Variants in USP54 observed in about 807,000 individuals in gnomAD.
The protein encoded by USP54 is ubiquitin specific peptidase 54.
USP54 carries 87 observed loss-of-function variants against 170.5 expected under a neutral mutation model. The observed-to-expected ratio is 0.51, with a 90% CI of 0.43 to 0.61. The LOEUF (loss-of-function observed/expected upper bound fraction) is 0.61, where lower values mean the gene tolerates loss of function less well. USP54 is among the 20% of genes least tolerant of loss of function. USP54 has a pLI of 0.00. For synonymous variants in USP54, 655 were observed against 742.8 expected, an observed-to-expected ratio of 0.88 and a Z score of 1.92; for missense variants, 1,786 against 2,047.8, an observed-to-expected ratio of 0.87 and a Z score of 2.47.
intron 1 of USP54, among the ~76,000 whole-genome samples, chr10:73,598,320 T>C (rs555278844): frequency 6.6e-6 from 1 of 152,260 alleles, no homozygotes; most frequent in East Asian, 1.9e-4. Flanking sequence ...TCTCACACCA[T>C]ATGCAAAAAT....
chr10:73,550,127 T>C (rs972874229), intron 4 of USP54, among the ~76,000 whole-genome samples: 1 of 152,234 alleles, frequency 6.6e-6, no homozygotes, highest in Non-Finnish European at 1.5e-5. Flanking sequence ...TTTTGCTATG[T>C]TGGCCAGGTT....
intron 1 of USP54, among the ~76,000 whole-genome samples, chr10:73,612,914 G>A (rs941832532): frequency 6.6e-6 from 1 of 150,510 alleles, no homozygotes; most frequent in African/African-American, 2.4e-5. Context: ...TCAGCACTTT[G>A]GGAGACCAAG....
At chr10:73,599,072 C>T (rs565853346) in intron 1 of USP54, among the ~76,000 whole-genome samples, 14 of 152,242 alleles carry the variant, frequency 9.2e-5, no homozygotes, top group African/African-American at 2.9e-4. Flanking sequence ...GAGCAAGACT[C>T]CGTCTCAAAA....
Position 73,571,404 on chromosome 10 carries a change from T to A in USP54, c.240+17A>T, listed in dbSNP as rs781057458. On this transcript the variant is annotated intron_variant, in intron 4 of 23. Coordinates refer to ENST00000687698, the MANE Select transcript of USP54 (RefSeq NM_001391956.1). ...CCACCCAATGGTAGTGAGAAGAAAC[T>A]AATTGGAAGTACTTACCTTGAGAGC... 6.2e-7 allele frequency: 1 copy of A among 1,609,054 alleles called. No individual in the cohort carries two copies. Among genetic ancestry groups the A allele is most frequent in the African/African-American group, 1.3e-5 (1 of 74,902 alleles).
chr10:73,559,607 A>T (rs1192502193), intron 4 of USP54, among the ~76,000 whole-genome samples: 2 of 151,574 alleles, frequency 1.3e-5, no homozygotes, highest in Non-Finnish European at 2.9e-5. Context: ...AGGCGCCTGT[A>T]ATCCCAGTTA....
intron 4 of USP54, among the ~76,000 whole-genome samples, chr10:73,546,140 G>A (rs1280296931): frequency 1.3e-5 from 2 of 152,038 alleles, no homozygotes; most frequent in Non-Finnish European, 2.9e-5. Context: ...AAAAATCTGT[G>A]AGTCTAATAC....
intron 4 of USP54, among the ~76,000 whole-genome samples, chr10:73,555,261 C>A (rs2070680449): frequency 6.6e-6 from 1 of 152,178 alleles, no homozygotes; most frequent in African/African-American, 2.4e-5. Flanking sequence ...ATTCTCTAAC[C>A]ATATATCTAC....
intron 1 of USP54, among the ~76,000 whole-genome samples, chr10:73,619,479 C>T (rs1285114181): frequency 6.8e-6 from 1 of 147,384 alleles, no homozygotes; most frequent in Non-Finnish European, 1.5e-5. Flanking sequence ...TCAAGCAATC[C>T]ACCCACCTTG....
In USP54 at chr10:73,539,574, T is replaced by C; in HGVS notation, c.845A>G (p.Asp282Gly). 1 of 1,604,720 alleles carries C rather than the reference T, an allele frequency of 6.2e-7. No homozygotes were observed. Among genetic ancestry groups the C allele is most frequent in the Non-Finnish European group, 8.5e-7 (1 of 1,173,996 alleles). ...KLGDLFFRVT[D>G]DRAKQSELYL... ...CAGTTCAGATTGCTTGGCCCGGTCA[T>C]CCGTCACTCTGAAAAACAGCTGAGG... Residue 282 changes from aspartate (D) to glycine (G), a missense_variant, in exon 10 of 24, where the codon GAT becomes GGT. By Grantham distance (94) the Asp-to-Gly change is moderately conservative. Around this residue, in one of 3 missense-constraint regions of USP54, gnomAD observed 361 missense variants for 455.0 expected, o/e 0.79. Transcript: ENST00000687698.
At position 73,498,796 on chromosome 10, in the gene USP54, C is replaced by G; in HGVS notation, c.4888G>C (p.Gly1630Arg). 6.2e-7 allele frequency: 1 copy of G among 1,613,026 alleles called. No individual in the cohort carries two copies. Among genetic ancestry groups the G allele is most frequent in the Non-Finnish European group, 8.5e-7 (1 of 1,179,524 alleles). The change falls in exon 24 of 24, where the codon GGT becomes CGT. Residue 1630 changes from glycine to arginine, a missense_variant. Transcript: ENST00000687698. ...GGGGGCATATCTACTCTTCGAGGACCAGGGGTTCGGGACCCTGGAACAGGA... is the reference window on the plus strand; with the variant it reads ...GGGGGCATATCTACTCTTCGAGGACGAGGGGTTCGGGACCCTGGAACAGGA... ...SDPVPGSRTP[G>R]PRRVDMPPDD...
intron 20 of USP54, among the ~76,000 whole-genome samples, chr10:73,511,303 GAA>G (rs2060167155): frequency 6.6e-6 from 1 of 151,830 alleles, no homozygotes; most frequent in Non-Finnish European, 1.5e-5. Flanking sequence ...TTAAATAGGT[GAA>G]ATGTATGGCA....
At chr10:73,594,663 G>A (rs1225636609), upstream of USP54, among the ~76,000 whole-genome samples, 1 of 146,878 alleles carries the variant, frequency 6.8e-6, no homozygotes, top group Non-Finnish European at 1.5e-5. Flanking sequence ...GAGGGGTGGG[G>A]AAGAGACTGC....
At chr10:73,586,173 C>T (rs1321672536) in intron 1 of USP54, among the ~76,000 whole-genome samples, 1 of 152,224 alleles carries the variant, frequency 6.6e-6, no homozygotes, top group Non-Finnish European at 1.5e-5. Flanking sequence ...GCCTCTCACT[C>T]ATCCTCCACT....
At chr10:73,523,373 G>C (rs956506004) in intron 17 of USP54, among the ~76,000 whole-genome samples, 1 of 152,150 alleles carries the variant, frequency 6.6e-6, no homozygotes, top group African/African-American at 2.4e-5. Flanking sequence ...TAATCTATAG[G>C]CTTTTAATAG....
intron 20 of USP54, among the ~76,000 whole-genome samples, chr10:73,514,798 G>C (rs2060787945): frequency 6.6e-6 from 1 of 151,990 alleles, no homozygotes; most frequent in African/African-American, 2.4e-5. Flanking sequence ...CCAGCACTTT[G>C]GGAGGCTGAG....
intron 9 of USP54, among the ~76,000 whole-genome samples, chr10:73,540,805 A>G (rs2066462149): frequency 6.6e-6 from 1 of 152,166 alleles, no homozygotes; most frequent in Non-Finnish European, 1.5e-5. Context: ...CTTAGGAAGA[A>G]AACCTAAAAT....
chr10:73,600,272 G>A (rs1241024943), intron 1 of USP54, among the ~76,000 whole-genome samples: 1 of 152,032 alleles, frequency 6.6e-6, no homozygotes, highest in Non-Finnish European at 1.5e-5. Context: ...AATTTTCTCT[G>A]CTAAAAATTG....
At chr10:73,535,325 A>C (rs1313186211) in intron 11 of USP54, among the ~76,000 whole-genome samples, 1 of 152,064 alleles carries the variant, frequency 6.6e-6, no homozygotes, top group Admixed American at 6.6e-5. Flanking sequence ...TAATAGGACA[A>C]ATGGGTATTT....
intron 14 of USP54, 106 bp from the exon 15 acceptor site, chr10:73,530,017 T>C (rs1225312246): frequency 6.7e-7 from 1 of 1,493,212 alleles, no homozygotes. Flanking sequence ...ACTGAACTCA[T>C]ATCCCTAAAA....
Sources: gnomAD v4.1 joint callset for allele counts (sites outside exome capture counted in the v4.1 genomes callset) on GRCh38, gnomAD v4.1.1 for gene constraint, gnomAD v4.1.1 regional missense constraint, MANE v1.5 for transcripts, NCBI Gene and HGNC (gene_info 2026-07-23, HGNC 2026-07-21) for gene names.